The following EPHA3 variants were observed in gnomAD, a reference collection of about 807,000 sequenced individuals.
EPHA3 encodes the protein EPH receptor A3.
In EPHA3, 42 loss-of-function variants were observed where a neutral mutation model predicts 107.1. That is an observed-to-expected ratio of 0.39 (90% confidence interval 0.31 to 0.51). EPHA3 has a LOEUF of 0.51. EPHA3 is among the 20% of genes least tolerant of loss of function. The pLI, the probability that EPHA3 is intolerant of heterozygous loss-of-function variation, is 0.78. For synonymous variants in EPHA3, 461 were observed against 424.8 expected (o/e 1.09, Z -1.05); for missense variants, 1,183 against 1,211.2 (o/e 0.98, Z 0.35).
Position 89,370,011 on chromosome 3 carries a change from G to A in EPHA3, c.1307-25826G>A, listed in dbSNP as rs1391066271. On this transcript the variant is annotated intron_variant, in intron 5 of 16. Transcript: ENST00000336596. Reference sequence around the variant, plus strand: ...TCATTAAAAAGTCAGGAAACAGCAGGTGCTGGAGAGGATGTGGAGAAATAG... The same window carrying A: ...TCATTAAAAAGTCAGGAAACAGCAGATGCTGGAGAGGATGTGGAGAAATAG... Among the ~76,000 whole-genome samples the A allele has an allele frequency of 2.0e-5, 3 of 150,488 alleles. 1 individual carries two copies. Among genetic ancestry groups the A allele is most frequent in the Non-Finnish European group, 4.4e-5 (3 of 67,470 alleles).
chr3:89,429,732 A>G (rs1709528919), intron 12 of EPHA3, among the ~76,000 whole-genome samples: 3 of 150,134 alleles, frequency 2.0e-5, no homozygotes, highest in Non-Finnish European at 4.4e-5. Flanking sequence ...CTATCTATCT[A>G]TCTATCTATA....
intron 2 of EPHA3, among the ~76,000 whole-genome samples, chr3:89,177,615 G>C (rs2107111779): frequency 6.6e-6 from 1 of 152,250 alleles, no homozygotes; most frequent in African/African-American, 2.4e-5. Flanking sequence ...TAGTTTGTTA[G>C]AAAGGGTTTT....
At chr3:89,213,405 A>T (rs549759019) in intron 3 of EPHA3, among the ~76,000 whole-genome samples, 3 of 152,074 alleles carry the variant, frequency 2.0e-5, no homozygotes, top group African/African-American at 4.8e-5. Context: ...TCCTGAAGAG[A>T]ATAGACTTTA....
intron 3 of EPHA3, among the ~76,000 whole-genome samples, chr3:89,304,117 GTGGAAATTTAAAGGTCCTTGAATCTT>G (rs72345368): frequency 0.015 from 2,207 of 152,152 alleles, 62 homozygotes; most frequent in African/African-American, 0.05. Flanking sequence ...CTCACTTGGT[GTGGAAATTTAAAGGTCCTTGAATCTT>G]TGGAACCAAC....
intron 2 of EPHA3, among the ~76,000 whole-genome samples, chr3:89,147,221 A>C (rs1183484521): frequency 6.6e-6 from 1 of 151,788 alleles, no homozygotes; most frequent in Non-Finnish European, 1.5e-5. Flanking sequence ...ATTAGGATGA[A>C]TACCTAATGC....
intron 3 of EPHA3, among the ~76,000 whole-genome samples, chr3:89,338,653 AT>A (rs1186139741): frequency 6.6e-6 from 1 of 152,154 alleles, no homozygotes; most frequent in Non-Finnish European, 1.5e-5. Context: ...GGTTCCCGCC[AT>A]TCTCCTGCCT....
intron 9 of EPHA3, 76 bp downstream of exon 9, chr3:89,408,207 C>A (rs1166378423): frequency 4.3e-6 from 6 of 1,403,090 alleles, no homozygotes; most frequent in South Asian, 1.2e-5. Context: ...AATTGGTTAA[C>A]TTCCTCCTGA....
intron 7 of EPHA3, among the ~76,000 whole-genome samples, chr3:89,404,661 T>C (rs1006454970): frequency 5.3e-5 from 8 of 152,206 alleles, no homozygotes; most frequent in Admixed American, 3.3e-4. Flanking sequence ...AATGATCTGA[T>C]TTAGTTATGT....
chr3:89,274,199 T>C (rs1705749264), intron 3 of EPHA3, among the ~76,000 whole-genome samples: 1 of 151,978 alleles, frequency 6.6e-6, no homozygotes, highest in Non-Finnish European at 1.5e-5. Flanking sequence ...ACTTTGTTAT[T>C]TTCTATTTAC....
At chr3:89,478,004 A>G (rs1308251380) in intron 16 of EPHA3, among the ~76,000 whole-genome samples, 1 of 152,178 alleles carries the variant, frequency 6.6e-6, no homozygotes, top group African/African-American at 2.4e-5. Context: ...GAAAAGTTTT[A>G]AAATATTAAA....
At chr3:89,376,336 T>C (rs1165932667) in intron 5 of EPHA3, among the ~76,000 whole-genome samples, 2 of 151,320 alleles carry the variant, frequency 1.3e-5, no homozygotes, top group Admixed American at 1.3e-4. Context: ...AGGATGTGTG[T>C]ATATAAATAT....
intron 2 of EPHA3, among the ~76,000 whole-genome samples, chr3:89,151,678 A>T (rs1258282221): frequency 6.6e-6 from 1 of 152,144 alleles, no homozygotes; most frequent in Non-Finnish European, 1.5e-5. Context: ...CATAATTCCA[A>T]ACTAATATAC....
chr3:89,475,707 CAT>C (rs1314480369), intron 16 of EPHA3, among the ~76,000 whole-genome samples: 4 of 152,174 alleles, frequency 2.6e-5, no homozygotes, highest in African/African-American at 9.7e-5. Flanking sequence ...TTCATTGCCA[CAT>C]GTCATTATCC....
intron 3 of EPHA3, among the ~76,000 whole-genome samples, chr3:89,300,308 C>T (rs1706451719): frequency 6.6e-6 from 1 of 151,724 alleles, no homozygotes; most frequent in Non-Finnish European, 1.5e-5. Flanking sequence ...CTCTTACAGC[C>T]TATTTAGAAT....
intron 3 of EPHA3, among the ~76,000 whole-genome samples, chr3:89,230,299 G>A (rs1365711069): frequency 6.6e-6 from 1 of 151,982 alleles, no homozygotes; most frequent in African/African-American, 2.4e-5. Flanking sequence ...TTTTTGCCTA[G>A]GTGTATCATC....
chr3:89,119,506 G>C lies in EPHA3; in HGVS notation c.89-7703G>C, dbSNP rs563200560. Among the ~76,000 whole-genome samples, 4 of 152,062 alleles carry C rather than the reference G, an allele frequency of 2.6e-5. No homozygotes were observed. The East Asian group carries it at 7.7e-4, about 29-fold the overall frequency. On this transcript the variant is annotated intron_variant, in intron 1 of 16. Transcript: ENST00000336596. ...TGTGGTACCATATTTGATCCTTTGG[G>C]GACCATTATAAAAACCCAAAAACAA...
At position 89,368,260 on chromosome 3, in the gene EPHA3, G is replaced by C. The variant is rs531244990; in HGVS notation, c.1306+26170G>C. ...TGGGGGCAGAATTTAGATCATAAGT[G>C]TTAGAGTACATTATTTAAAGCAATC... On this transcript the variant is annotated intron_variant, in intron 5 of 16. Coordinates refer to ENST00000336596, the MANE Select transcript of EPHA3 (RefSeq NM_005233.6). 7.3e-5 allele frequency among the ~76,000 whole-genome samples: 11 copies of C among 150,396 alleles called. No individual in the cohort carries two copies. The East Asian group carries it at 2.2e-3, about 29-fold the overall frequency.
chr3:89,355,749 G>T (rs1245988059), intron 5 of EPHA3, among the ~76,000 whole-genome samples: 2 of 150,236 alleles, frequency 1.3e-5, no homozygotes, highest in Non-Finnish European at 3.0e-5. Context: ...TCTCCATAAT[G>T]ATCATGCAGA....
At chr3:89,257,802 A>G (rs1328705864) in intron 3 of EPHA3, among the ~76,000 whole-genome samples, 1 of 151,882 alleles carries the variant, frequency 6.6e-6, no homozygotes, top group African/African-American at 2.4e-5. Context: ...ACAGAGTGTT[A>G]GTGGACAAAT....
Sources: allele counts gnomAD v4.1 joint callset (sites outside exome capture counted in the v4.1 genomes callset), GRCh38; gene constraint gnomAD v4.1.1; transcripts MANE v1.5; gene names NCBI Gene and HGNC (gene_info 2026-07-23, HGNC 2026-07-21).